DACH2: variants seen among roughly 807,000 people sequenced by gnomAD.
DACH2 encodes dachshund family transcription factor 2.
DACH2 carries 17 observed loss-of-function variants against 35.8 expected under a neutral mutation model. The observed-to-expected ratio is 0.48, with a 90% CI of 0.33 to 0.71. The LOEUF (loss-of-function observed/expected upper bound fraction) is 0.71. Ranked by LOEUF, DACH2 falls within the 30% of genes least tolerant of loss-of-function variation. The pLI, the probability that DACH2 is intolerant of heterozygous loss-of-function variation, is 0.02. For synonymous variants in DACH2, 195 were observed against 177.3 expected (o/e 1.10, Z -0.79); for missense variants, 469 against 472.7 (o/e 0.99, Z 0.07).
chrX:86,630,407 CAT>C (rs1175444799), intron 3 of DACH2, among the ~76,000 whole-genome samples: 3 of 108,394 alleles, frequency 2.8e-5, no homozygotes, highest in Non-Finnish European at 5.7e-5. Flanking sequence ...TATATATACA[CAT>C]ATATATATAC....
intron 1 of DACH2, among the ~76,000 whole-genome samples, chrX:86,149,354 A>T (rs2030280046): frequency 8.9e-6 from 1 of 112,218 alleles, no homozygotes; most frequent in African/African-American, 3.2e-5. Flanking sequence ...GCAGTCCTCT[A>T]TTGAAACTTT....
At chrX:86,223,284 T>G (rs1240651572) in intron 1 of DACH2, among the ~76,000 whole-genome samples, 1 of 112,113 alleles carries the variant, frequency 8.9e-6, no homozygotes, top group Non-Finnish European at 1.9e-5. Context: ...TTTGTATGTT[T>G]CATATGTAAT....
chrX:86,717,801 A>G (rs1490847369), intron 6 of DACH2, among the ~76,000 whole-genome samples: 2 of 104,457 alleles, frequency 1.9e-5, no homozygotes, highest in Non-Finnish European at 3.9e-5. Flanking sequence ...TATATATATA[A>G]TGGAATACTA....
At chrX:86,150,321 C>A (rs2030319915) in intron 1 of DACH2, among the ~76,000 whole-genome samples, 1 of 111,847 alleles carries the variant, frequency 8.9e-6, no homozygotes, top group Non-Finnish European at 1.9e-5. Flanking sequence ...AAAAAACCAA[C>A]AACTTTCTCA....
chrX:86,662,295 A>T (rs1463268605), intron 4 of DACH2, among the ~76,000 whole-genome samples: 1 of 111,625 alleles, frequency 9.0e-6, no homozygotes, highest in East Asian at 2.8e-4. Flanking sequence ...GGACAAAGGC[A>T]TGTCTATTTT....
At chrX:86,210,772 T>G (rs917140234) in intron 1 of DACH2, among the ~76,000 whole-genome samples, 1 of 111,798 alleles carries the variant, frequency 8.9e-6, no homozygotes, top group African/African-American at 3.2e-5. Flanking sequence ...CCATCAGTCT[T>G]CTAAGATATG....
chrX:86,417,957 C>T (rs1422229907), intron 2 of DACH2, among the ~76,000 whole-genome samples: 1 of 111,681 alleles, frequency 9.0e-6, no homozygotes, highest in East Asian at 2.8e-4. Flanking sequence ...TAAATACAGC[C>T]ATTCCAAATG....
chrX:86,251,192 A>T (rs1455954381), intron 1 of DACH2, among the ~76,000 whole-genome samples: 2 of 111,183 alleles, frequency 1.8e-5, no homozygotes, highest in African/African-American at 3.3e-5. Context: ...AGATACATTA[A>T]ATGAGGCTTG....
intron 2 of DACH2, among the ~76,000 whole-genome samples, chrX:86,468,438 C>T: frequency 9.0e-6 from 1 of 110,960 alleles, no homozygotes; most frequent in Non-Finnish European, 1.9e-5. Context: ...ATCATTGGTT[C>T]TTATTCCATT....
chrX:86,277,618 G>T (rs997804520), intron 1 of DACH2, among the ~76,000 whole-genome samples: 8 of 112,247 alleles, frequency 7.1e-5, no homozygotes, highest in African/African-American at 2.6e-4. Context: ...CATCAACAAC[G>T]CATTTGGCCT....
At chrX:86,566,358 C>A (rs2039292453) in intron 3 of DACH2, among the ~76,000 whole-genome samples, 2 of 111,285 alleles carry the variant, frequency 1.8e-5, no homozygotes, top group African/African-American at 6.5e-5. Context: ...AACAGGAGTC[C>A]ATTTGAGCAG....
intron 4 of DACH2, among the ~76,000 whole-genome samples, chrX:86,669,970 AGAC>A (rs746054339): frequency 9.0e-6 from 1 of 110,985 alleles, no homozygotes; most frequent in Non-Finnish European, 1.9e-5. Context: ...GCAAAGGAAA[AGAC>A]AGCTATTACA....
intron 1 of DACH2, chrX:86,262,895 G>C: frequency 4.3e-6 from 2 of 464,829 alleles, no homozygotes; most frequent in Non-Finnish European, 5.3e-6. Flanking sequence ...ATATGTCACT[G>C]TTCAGAAATA....
At chrX:86,285,781 A>T (rs73631921) in intron 1 of DACH2, among the ~76,000 whole-genome samples, 7 of 111,468 alleles carry the variant, frequency 6.3e-5, no homozygotes, top group Non-Finnish European at 1.3e-4. Flanking sequence ...GTCTCCAATT[A>T]TTACTGTATT....
chrX:86,602,557 G>A lies in DACH2; in HGVS notation c.641-48479G>A, dbSNP rs943392065. ...TTTTAGGCATTTTAACAGGGATGTT[G>A]TGCTATCTAATTGTGGTAGTCATTT... On this transcript the variant is annotated intron_variant, in intron 3 of 11. Transcript: ENST00000373125. 5.4e-5 allele frequency among the ~76,000 whole-genome samples: 6 copies of A among 112,002 alleles called. No individual in the cohort carries two copies. In the East Asian group the frequency reaches 1.1e-3, roughly 21 times the overall value.
intron 1 of DACH2, among the ~76,000 whole-genome samples, chrX:86,291,614 A>T (rs1012129313): frequency 2.8e-5 from 3 of 109,082 alleles, no homozygotes; most frequent in African/African-American, 1.0e-4. Flanking sequence ...TACCTAATTT[A>T]TTGAGAGTGT....
chrX:86,386,159 C>T (rs779466265), intron 2 of DACH2, among the ~76,000 whole-genome samples: 13 of 111,606 alleles, frequency 1.2e-4, no homozygotes, highest in Middle Eastern at 4.6e-3. Flanking sequence ...TCAGCTGTAA[C>T]GGTTTCTCTC....
intron 11 of DACH2, among the ~76,000 whole-genome samples, chrX:86,820,535 G>T (rs1245319247): frequency 9.2e-6 from 1 of 109,138 alleles, no homozygotes; most frequent in Non-Finnish European, 1.9e-5. Context: ...GCCATTCAAA[G>T]ATATAAAAGT....
intron 4 of DACH2, among the ~76,000 whole-genome samples, chrX:86,656,586 A>T (rs754777113): frequency 9.1e-6 from 1 of 109,836 alleles, no homozygotes; most frequent in Admixed American, 9.8e-5. Flanking sequence ...GATGCAGCTG[A>T]TAAAGGAGAT....
Sources: allele counts gnomAD v4.1 joint callset (sites outside exome capture counted in the v4.1 genomes callset), GRCh38; gene constraint gnomAD v4.1.1; transcripts MANE v1.5; gene names NCBI Gene and HGNC (gene_info 2026-07-23, HGNC 2026-07-21).